The following RPS6KC1 variants were observed in gnomAD, a reference collection of about 807,000 sequenced individuals.
The protein encoded by RPS6KC1 is inactive ribosomal protein S6 kinase delta-1.
A neutral mutation model predicts 103.8 loss-of-function variants in RPS6KC1; 54 were observed. The ratio of observed to expected loss-of-function variants is 0.52; its 90% CI spans 0.42 to 0.65. The LOEUF (loss-of-function observed/expected upper bound fraction) is 0.65. RPS6KC1 is among the 30% of genes least tolerant of loss of function. The probability of loss-of-function intolerance (pLI) is 0.00; values close to 1 mark genes in which losing one functional copy is unlikely to be tolerated. For missense variants in RPS6KC1, 1,151 were observed against 1,253.8 expected, an observed-to-expected ratio of 0.92 and a Z score of 1.24; for synonymous variants, 439 against 438.7, an observed-to-expected ratio of 1.00 and a Z score of -0.01.
At chr1:213,795,063 G>A in the RPS6KC1 span, among the ~76,000 whole-genome samples, 1 of 152,206 alleles carries the variant, frequency 6.6e-6, no homozygotes, top group Non-Finnish European at 1.5e-5. Flanking sequence ...AGTAGCTGAT[G>A]TGTTAAATTG....
the RPS6KC1 span, among the ~76,000 whole-genome samples, chr1:213,655,569 A>G: frequency 2.6e-5 from 4 of 152,188 alleles, no homozygotes; most frequent in African/African-American, 9.7e-5. Flanking sequence ...CCTGATGGAG[A>G]AGATACATTT....
At chr1:213,310,652 G>A in the RPS6KC1 span, among the ~76,000 whole-genome samples, 22 of 152,278 alleles carry the variant, frequency 1.4e-4, no homozygotes, top group Admixed American at 7.2e-4. Flanking sequence ...TGCATTCGTC[G>A]TATGTAGGCA....
chr1:213,457,654 G>A, the RPS6KC1 span, among the ~76,000 whole-genome samples: 1 of 152,224 alleles, frequency 6.6e-6, no homozygotes, highest in South Asian at 2.1e-4. Context: ...TCCTTTTTGA[G>A]TACAAAGTGA....
the RPS6KC1 span, among the ~76,000 whole-genome samples, chr1:213,638,286 T>C: frequency 6.6e-6 from 1 of 152,156 alleles, no homozygotes; most frequent in Non-Finnish European, 1.5e-5. Context: ...ATGTTTTGTT[T>C]GAATTGTGAT....
the RPS6KC1 span, among the ~76,000 whole-genome samples, chr1:213,701,447 C>A: frequency 1.3e-5 from 2 of 151,908 alleles, no homozygotes; most frequent in Admixed American, 6.6e-5. Context: ...TTGTTAAATT[C>A]AGGTTGTTAG....
rs115664716 is a variant in RPS6KC1, at chr1:213,142,103, C to T, written c.835+12214C>T. Among the ~76,000 whole-genome samples, 871 of 152,088 alleles carry T rather than the reference C, an allele frequency of 5.7e-3. 11 individuals carry two copies. Among genetic ancestry groups the T allele is most frequent in the African/African-American group, 0.018 (729 of 41,520 alleles). ...GGATAGTCAAGTTTTCTTGTTGAATCGAACCCTTTATCATTATGTAATGCC... is the reference window on the plus strand; with the variant it reads ...GGATAGTCAAGTTTTCTTGTTGAATTGAACCCTTTATCATTATGTAATGCC... On this transcript the variant is annotated intron_variant, in intron 6 of 14. Coordinates refer to ENST00000366960, the MANE Select transcript of RPS6KC1 (RefSeq NM_012424.6).
intron 8 of RPS6KC1, among the ~76,000 whole-genome samples, chr1:213,212,442 A>G (rs1408980884): frequency 1.3e-5 from 2 of 152,096 alleles, no homozygotes; most frequent in East Asian, 1.9e-4. Context: ...GCTCAATGGT[A>G]TTCTGTTATC....
At chr1:213,612,040 C>A in the RPS6KC1 span, among the ~76,000 whole-genome samples, 10 of 152,320 alleles carry the variant, frequency 6.6e-5, no homozygotes, top group Non-Finnish European at 1.5e-4. Flanking sequence ...CCTTAAGGTG[C>A]TCTCAGCTGA....
At chr1:213,585,343 C>G in the RPS6KC1 span, among the ~76,000 whole-genome samples, 1 of 152,144 alleles carries the variant, frequency 6.6e-6, no homozygotes, top group Admixed American at 6.5e-5. Flanking sequence ...ATGGGGTCAG[C>G]CTTTCTCCCC....
At chr1:213,301,652 T>C in the RPS6KC1 span, among the ~76,000 whole-genome samples, 1 of 152,118 alleles carries the variant, frequency 6.6e-6, no homozygotes, top group Non-Finnish European at 1.5e-5. Flanking sequence ...TGAGCTATGA[T>C]TGCACCACTG....
chr1:213,196,143 AT>A (rs568570409), intron 8 of RPS6KC1, among the ~76,000 whole-genome samples: 2 of 150,918 alleles, frequency 1.3e-5, no homozygotes, highest in Admixed American at 6.6e-5. Context: ...CCAAAAAATT[AT>A]TTTTTTTTGA....
chr1:213,071,003 T>C lies in RPS6KC1; in HGVS notation c.106-3T>C, dbSNP rs377535571. On this transcript the variant is annotated splice_polypyrimidine_tract_variant and splice_region_variant and intron_variant, in intron 1 of 14. Transcript: ENST00000366960. ...AGAGATTTCTATGTATGTTTTGTTT[T>C]AGGTTGTTTCACGAAGAAATCCAGA... 16 of 1,533,386 alleles carry C rather than the reference T, an allele frequency of 1.0e-5. No individual in the cohort carries two copies. The highest frequency in any genetic ancestry group is 1.7e-4 in the Middle Eastern group (1 of 5,870). 95.0% of individuals were successfully genotyped at this position (1,533,386 alleles called of 1,614,324 possible). A position where few individuals can be genotyped will look rare whatever the true frequency, so the allele number is the denominator to read the frequency against.
At chr1:213,282,514 T>A in the RPS6KC1 span, among the ~76,000 whole-genome samples, 1 of 152,242 alleles carries the variant, frequency 6.6e-6, no homozygotes, top group African/African-American at 2.4e-5. Context: ...AAAGGTGACA[T>A]TTCTGCTGAA....
the RPS6KC1 span, among the ~76,000 whole-genome samples, chr1:213,326,298 A>G: frequency 0.014 from 2,178 of 152,356 alleles, 42 homozygotes; most frequent in African/African-American, 0.05. Flanking sequence ...TACATGTTGA[A>G]TCAATAAACA....
At chr1:213,836,025 C>T in the RPS6KC1 span, 1 of 150,870 alleles carries the variant, frequency 6.6e-6, no homozygotes, top group African/African-American at 2.4e-5. Flanking sequence ...GGAGAATTGA[C>T]ATCTTTACTG....
At chr1:213,498,067 T>A in the RPS6KC1 span, among the ~76,000 whole-genome samples, 1 of 152,160 alleles carries the variant, frequency 6.6e-6, no homozygotes. Context: ...AAGAGATAAT[T>A]CCTATGCTTT....
At chr1:213,309,780 G>A in the RPS6KC1 span, among the ~76,000 whole-genome samples, 109 of 152,188 alleles carry the variant, frequency 7.2e-4, 1 homozygote, top group African/African-American at 2.6e-3. Flanking sequence ...TGCCTCCCGG[G>A]TTCAAGCGAT....
At chr1:213,704,520 G>C in the RPS6KC1 span, among the ~76,000 whole-genome samples, 6 of 150,572 alleles carry the variant, frequency 4.0e-5, no homozygotes, top group African/African-American at 1.5e-4. Context: ...ATAGAATTCT[G>C]AATTCCTTTT....
At chr1:213,758,510 G>A in the RPS6KC1 span, among the ~76,000 whole-genome samples, 49 of 151,666 alleles carry the variant, frequency 3.2e-4, no homozygotes, top group African/African-American at 1.1e-3. Context: ...CCCGGGAGGC[G>A]GAAGTTGCAG....
Sources: allele counts gnomAD v4.1 joint callset (sites outside exome capture counted in the v4.1 genomes callset), GRCh38; gene constraint gnomAD v4.1.1; transcripts MANE v1.5; gene names NCBI Gene and HGNC (gene_info 2026-07-23, HGNC 2026-07-21).